The following PCDHGA6 variants were observed in gnomAD, a reference collection of about 807,000 sequenced individuals.
The protein encoded by PCDHGA6 is protocadherin gamma-A6.
PCDHGA6 carries 41 observed loss-of-function variants against 60.6 expected under a neutral mutation model. The ratio of observed to expected loss-of-function variants is 0.68; its 90% CI spans 0.53 to 0.88. The LOEUF (loss-of-function observed/expected upper bound fraction) is 0.88, where lower values mean the gene tolerates loss of function less well. Ranked by LOEUF, PCDHGA6 falls within the 40% of genes least tolerant of loss-of-function variation. The probability of loss-of-function intolerance (pLI) is 0.00; values close to 1 mark genes in which losing one functional copy is unlikely to be tolerated. For synonymous variants in PCDHGA6, 594 were observed against 524.4 expected, an observed-to-expected ratio of 1.13 and a Z score of -1.81; for missense variants, 1,312 against 1,203.0, an observed-to-expected ratio of 1.09 and a Z score of -1.34.
At chr5:141,473,228 A>T (rs549587219) in intron 1 of PCDHGA6, among the ~76,000 whole-genome samples, 1 of 152,296 alleles carries the variant, frequency 6.6e-6, no homozygotes, top group African/African-American at 2.4e-5. Context: ...GGGAGATTGG[A>T]TCCACACAAG....
At chr5:141,419,663 G>T (rs1459319505) in intron 1 of PCDHGA6, 1 of 1,612,710 alleles carries the variant, frequency 6.2e-7, no homozygotes, top group Non-Finnish European at 8.5e-7. Flanking sequence ...GGGGCACAAT[G>T]CCTGGCTGTC....
rs1233637152 is a variant in PCDHGA6 at position 141,432,543 on chromosome 5, A to G, written c.2424+56036A>G. ...CTGGTGACCAAGGTGGTGGCGGTGGACAGAGACTCCGGCCAGAACGCCTGG... is the reference window on the plus strand; with the variant it reads ...CTGGTGACCAAGGTGGTGGCGGTGGGCAGAGACTCCGGCCAGAACGCCTGG... On this transcript the variant is annotated intron_variant, in intron 1 of 3. Transcript: ENST00000517434. This position sits in a 1 kb window ranked among gnomAD's most constrained non-coding sequence, Gnocchi z 6.0. 3 of 1,613,678 alleles carry G rather than the reference A, an allele frequency of 1.9e-6. No individual in the cohort carries two copies. In the African/African-American group the frequency reaches 4.0e-5, roughly 22 times the overall value.
chr5:141,480,152 C>G (rs2099513323), intron 1 of PCDHGA6, among the ~76,000 whole-genome samples: 1 of 151,928 alleles, frequency 6.6e-6, no homozygotes, highest in African/African-American at 2.4e-5. Context: ...TAGCCAGCTC[C>G]TAGCATTTTG....
chr5:141,482,891 G>A (rs1594277958), intron 1 of PCDHGA6, among the ~76,000 whole-genome samples: 2 of 152,168 alleles, frequency 1.3e-5, no homozygotes, highest in East Asian at 3.8e-4. Flanking sequence ...GGCCAACATG[G>A]TGAAACCTCA....
At chr5:141,418,744 T>C in intron 1 of PCDHGA6, 1 of 1,613,936 alleles carries the variant, frequency 6.2e-7, no homozygotes, top group Non-Finnish European at 8.5e-7. Context: ...TCTCTCTGGA[T>C]TACACTACAG....
At chr5:141,430,206 TTATTA>T (rs1267858049) in intron 1 of PCDHGA6, among the ~76,000 whole-genome samples, 2 of 151,984 alleles carry the variant, frequency 1.3e-5, no homozygotes, top group African/African-American at 4.8e-5. Flanking sequence ...AAAGTTTAAA[TTATTA>T]TATTATATGA....
intron 1 of PCDHGA6, among the ~76,000 whole-genome samples, chr5:141,451,391 T>C (rs928399948): frequency 6.6e-6 from 1 of 152,162 alleles, no homozygotes; most frequent in Non-Finnish European, 1.5e-5. Context: ...ACATAGTTAA[T>C]GGCAAAATTA....
chr5:141,474,056 C>T (rs576482294), intron 1 of PCDHGA6, among the ~76,000 whole-genome samples: 37 of 152,136 alleles, frequency 2.4e-4, no homozygotes, highest in Non-Finnish European at 4.9e-4. Flanking sequence ...GATGACAGAG[C>T]GAGATCCTGC....
rs2099748032 is a variant in PCDHGA6 at position 141,493,397 on chromosome 5, G to A, written c.2425-1410G>A. ...TTAAAAGCTTGAGGACAGGAGAGGG[G>A]AGTTGCCTCTGCTGGGATTTTGCTT... On this transcript the variant is annotated intron_variant, in intron 1 of 3. Coordinates refer to ENST00000517434, the MANE Select transcript of PCDHGA6 (RefSeq NM_018919.3). This position sits in a 1 kb window ranked among gnomAD's most constrained non-coding sequence, Gnocchi z 4.3. Among the ~76,000 whole-genome samples the A allele has an allele frequency of 6.6e-6, 1 of 152,176 alleles. No individual in the cohort carries two copies. Among genetic ancestry groups the A allele is most frequent in the Non-Finnish European group, 1.5e-5 (1 of 68,040 alleles).
At chr5:141,419,093 C>T (rs1191453038) in intron 1 of PCDHGA6, 4 of 1,613,916 alleles carry the variant, frequency 2.5e-6, no homozygotes, top group South Asian at 1.1e-5. Flanking sequence ...GGCCCTGGAT[C>T]GGGAGCAGAC....
intron 1 of PCDHGA6, chr5:141,409,616 G>T: frequency 6.2e-7 from 1 of 1,613,882 alleles, no homozygotes; most frequent in African/African-American, 1.3e-5. Context: ...AGCCTCCATT[G>T]CGCAAGTGAG....
intron 1 of PCDHGA6, chr5:141,422,699 C>T: frequency 6.2e-7 from 1 of 1,603,420 alleles, no homozygotes; most frequent in Middle Eastern, 1.7e-4. Flanking sequence ...GTCACTTACT[C>T]TCTGACGGAT....
At chr5:141,383,848 A>G in intron 1 of PCDHGA6, 1 of 1,613,980 alleles carries the variant, frequency 6.2e-7, no homozygotes. Flanking sequence ...CTTCTATGAA[A>G]TGGAGGTTCA....
At chr5:141,383,846 A>C (rs745543311) in intron 1 of PCDHGA6, 1 of 1,613,960 alleles carries the variant, frequency 6.2e-7, no homozygotes, top group Admixed American at 1.7e-5. Context: ...GCCTTCTATG[A>C]AATGGAGGTT....
rs115281328 is a variant in PCDHGA6, at chr5:141,377,595, C to T, written c.2424+1088C>T. 1,339 of 144,106 alleles carry T rather than the reference C, an allele frequency of 9.3e-3. 18 individuals are homozygous for T. Among genetic ancestry groups the T allele is most frequent in the African/African-American group, 0.033 (1,264 of 38,356 alleles). 8.9% of individuals were successfully genotyped at this position (144,106 alleles called of 1,614,324 possible). The stretch of plus-strand genomic sequence containing the variant: ...TGGGAGACAGAATGAGACTTTTTCT[C>T]TCTCTCTCTCAAAAAAAAAAAAAGA... On this transcript the variant is annotated intron_variant, in intron 1 of 3. Coordinates refer to ENST00000517434, the MANE Select transcript of PCDHGA6 (RefSeq NM_018919.3).
intron 1 of PCDHGA6, chr5:141,400,256 G>A (rs756430299): frequency 9.9e-6 from 16 of 1,613,986 alleles, no homozygotes; most frequent in Admixed American, 1.7e-5. Context: ...GTTGCCTTGC[G>A]CCTGCGACGC....
At chr5:141,393,609 G>A (rs1428368601) in intron 1 of PCDHGA6, 2 of 1,613,940 alleles carry the variant, frequency 1.2e-6, no homozygotes, top group South Asian at 2.2e-5. Context: ...TACTGTAACA[G>A]CCAGCGACCC....
At chr5:141,457,393 T>G (rs1299068071) in intron 1 of PCDHGA6, among the ~76,000 whole-genome samples, 1 of 152,228 alleles carries the variant, frequency 6.6e-6, no homozygotes, top group African/African-American at 2.4e-5. Flanking sequence ...AGCATATTGA[T>G]TCACATTTTC....
At chr5:141,386,308 A>G (rs1057447717) in intron 1 of PCDHGA6, among the ~76,000 whole-genome samples, 5 of 152,236 alleles carry the variant, frequency 3.3e-5, no homozygotes, top group African/African-American at 4.8e-5. Flanking sequence ...AAAGCTCAGT[A>G]TATCAAGTGA....
Sources: gnomAD v4.1 joint callset for allele counts (sites outside exome capture counted in the v4.1 genomes callset) on GRCh38, gnomAD v4.1.1 for gene constraint, Gnocchi (gnomAD v3.1) non-coding constraint, MANE v1.5 for transcripts, NCBI Gene and HGNC (gene_info 2026-07-23, HGNC 2026-07-21) for gene names.